PRKCA: variants seen among roughly 807,000 people sequenced by gnomAD.
The protein encoded by PRKCA is protein kinase C alpha type.
PRKCA carries 27 observed loss-of-function variants against 87.0 expected under a neutral mutation model. That is an observed-to-expected ratio of 0.31 (90% CI 0.23 to 0.43). The LOEUF (loss-of-function observed/expected upper bound fraction) is 0.43. PRKCA is among the 20% of genes least tolerant of loss of function. The pLI, the probability that PRKCA is intolerant of heterozygous loss-of-function variation, is 1.00. For synonymous variants in PRKCA, 329 were observed against 311.1 expected, an observed-to-expected ratio of 1.06 and a Z score of -0.61; for missense variants, 518 against 852.3, an observed-to-expected ratio of 0.61 and a Z score of 4.88.
At chr17:66,636,385 T>C (rs1971152816) in intron 3 of PRKCA, among the ~76,000 whole-genome samples, 1 of 152,122 alleles carries the variant, frequency 6.6e-6, no homozygotes, top group Non-Finnish European at 1.5e-5. Flanking sequence ...CAAGAGGTGG[T>C]TTGGGTTAGC....
At chr17:66,779,498 G>A (rs1395228535) in intron 14 of PRKCA, among the ~76,000 whole-genome samples, 1 of 151,968 alleles carries the variant, frequency 6.6e-6, no homozygotes, top group East Asian at 1.9e-4. Context: ...CACTCCTACT[G>A]AATCAGTAAT....
At chr17:66,456,938 C>T (rs76774535) in intron 2 of PRKCA, among the ~76,000 whole-genome samples, 1 of 152,274 alleles carries the variant, frequency 6.6e-6, no homozygotes, top group Non-Finnish European at 1.5e-5. Flanking sequence ...CTAGGTATGC[C>T]TTAGGCCAGT....
chr17:66,612,732 T>C (rs950813407), intron 3 of PRKCA, among the ~76,000 whole-genome samples: 2 of 152,028 alleles, frequency 1.3e-5, no homozygotes, highest in Non-Finnish European at 2.9e-5. Flanking sequence ...TTGGAGGTTT[T>C]TTTTTTTTTG....
At chr17:66,452,846 A>G (rs1011915481) in intron 2 of PRKCA, among the ~76,000 whole-genome samples, 51 of 152,372 alleles carry the variant, frequency 3.3e-4, no homozygotes, top group African/African-American at 1.2e-3. Context: ...CCTGGATGAC[A>G]GAGCGAGACT....
At chr17:66,770,267 G>A (rs2144326154) in intron 13 of PRKCA, among the ~76,000 whole-genome samples, 2 of 152,312 alleles carry the variant, frequency 1.3e-5, no homozygotes, top group South Asian at 4.1e-4. Flanking sequence ...CTATGGCAGT[G>A]TCTCCCATAG....
chr17:66,702,540 A>T, intron 8 of PRKCA, among the ~76,000 whole-genome samples: 1 of 152,300 alleles, frequency 6.6e-6, no homozygotes, highest in East Asian at 1.9e-4. Flanking sequence ...GTGTTTTTAT[A>T]CTAGAAATTT....
At chr17:66,693,866 A>G (rs1164405445) in intron 8 of PRKCA, among the ~76,000 whole-genome samples, 2 of 152,190 alleles carry the variant, frequency 1.3e-5, no homozygotes, top group Non-Finnish European at 2.9e-5. Context: ...CAGGTGGCAG[A>G]CCAGAATTGG....
At chr17:66,480,046 A>G (rs753927708) in intron 2 of PRKCA, among the ~76,000 whole-genome samples, 6 of 112,090 alleles carry the variant, frequency 5.4e-5, no homozygotes, top group Non-Finnish European at 1.2e-4. Flanking sequence ...ATAACAATTC[A>G]TCATATTTAT....
rs745502789 is a variant in PRKCA at position 66,302,980 on chromosome 17, C to T, written c.129C>T (p.Phe43=). The T allele has an allele frequency of 1.9e-6, 3 of 1,612,180 alleles. No individual in the cohort carries two copies. Among genetic ancestry groups the T allele is most frequent in the Admixed American group, 3.3e-5 (2 of 59,810 alleles). ...AGGACCACAAATTCATCGCGCGCTT[C>T]TTCAAGCAGCCCACCTTCTGCAGCC... ...EVKDHKFIAR[F]FKQPTFCSHC... The change falls in exon 1 of 17, where the codon TTC becomes TTT. Residue 43 remains phenylalanine, a synonymous_variant. Coordinates refer to ENST00000413366, the MANE Select transcript of PRKCA (RefSeq NM_002737.3).
chr17:66,325,050 C>T (rs544372235), intron 2 of PRKCA, among the ~76,000 whole-genome samples: 6 of 152,186 alleles, frequency 3.9e-5, no homozygotes, highest in African/African-American at 1.4e-4. Flanking sequence ...ACATATTTCC[C>T]CCACTTCTTT....
intron 3 of PRKCA, among the ~76,000 whole-genome samples, chr17:66,525,594 G>A (rs891260383): frequency 5.9e-5 from 9 of 152,286 alleles, no homozygotes; most frequent in Non-Finnish European, 1.2e-4. Flanking sequence ...TCATGGACCT[G>A]CTTCAGATGG....
Position 66,457,579 on chromosome 17 carries a change from G to A in PRKCA, c.206-38622G>A, listed in dbSNP as rs76167298. Among the ~76,000 whole-genome samples, 1,037 of 152,244 alleles carry A rather than the reference G, an allele frequency of 6.8e-3. 13 individuals carry two copies. The highest frequency in any genetic ancestry group is 0.024 in the African/African-American group (980 of 41,536). ...GAACTGTAGTTCCCATAATCCCCATGTGGAAGGGACCTGGTGGGAGGTAGT... is the reference window on the plus strand; with the variant it reads ...GAACTGTAGTTCCCATAATCCCCATATGGAAGGGACCTGGTGGGAGGTAGT... On this transcript the variant is annotated intron_variant, in intron 2 of 16. Transcript: ENST00000413366.
intron 16 of PRKCA, among the ~76,000 whole-genome samples, chr17:66,798,434 ACGGTGGTGGTGGTGGTGACGGTGGTGG>A (rs1975736071): frequency 5.1e-5 from 1 of 19,622 alleles, no homozygotes; most frequent in Non-Finnish European, 9.6e-5. Context: ...GGTGGTGGTG[ACGGTGGTGGTGGTGGTGACGGTGGTGG>A]TGGTGGTGGT....
At chr17:66,741,863 C>G (rs1974165783) in intron 12 of PRKCA, 142 bp downstream of exon 12, 2 of 718,506 alleles carry the variant, frequency 2.8e-6, no homozygotes, top group Non-Finnish European at 4.4e-6. Context: ...ACCCACCTTC[C>G]TCCTCACCCT....
chr17:66,704,620 T>C (rs1973146664), intron 8 of PRKCA, among the ~76,000 whole-genome samples: 1 of 152,228 alleles, frequency 6.6e-6, no homozygotes, highest in South Asian at 2.1e-4. Context: ...TTGGTGATCT[T>C]GAATGAGCTG....
intron 3 of PRKCA, among the ~76,000 whole-genome samples, chr17:66,556,946 T>G (rs1275618077): frequency 5.3e-5 from 8 of 152,154 alleles, no homozygotes; most frequent in African/African-American, 1.9e-4. Flanking sequence ...CCCCACAGCA[T>G]CAGGATAGGG....
chr17:66,477,774 A>G (rs552383950), intron 2 of PRKCA, among the ~76,000 whole-genome samples: 12 of 152,336 alleles, frequency 7.9e-5, no homozygotes, highest in African/African-American at 2.6e-4. Flanking sequence ...TGTACACTTC[A>G]GGGGTTTCTA....
At chr17:66,652,340 A>G (rs1242931998) in intron 5 of PRKCA, among the ~76,000 whole-genome samples, 1 of 152,192 alleles carries the variant, frequency 6.6e-6, no homozygotes, top group African/African-American at 2.4e-5. Flanking sequence ...TGGATCCAAG[A>G]AAAAAACAGC....
chr17:66,541,346 G>T (rs1381829053), intron 3 of PRKCA, among the ~76,000 whole-genome samples: 1 of 152,190 alleles, frequency 6.6e-6, no homozygotes, highest in East Asian at 1.9e-4. Flanking sequence ...GTTCTTGAAA[G>T]AAATGAGGGG....
Sources: gnomAD v4.1 joint callset for allele counts (sites outside exome capture counted in the v4.1 genomes callset) on GRCh38, gnomAD v4.1.1 for gene constraint, MANE v1.5 for transcripts, NCBI Gene and HGNC (gene_info 2026-07-23, HGNC 2026-07-21) for gene names.